Variants in SPIRE1 observed in about 807,000 individuals in gnomAD.
SPIRE1 encodes protein spire homolog 1.
A neutral mutation model predicts 94.1 loss-of-function variants in SPIRE1; 40 were observed. That is an observed-to-expected ratio of 0.43 (90% confidence interval 0.33 to 0.55). The LOEUF is 0.55. SPIRE1 is among the 20% of genes least tolerant of loss of function. The probability of loss-of-function intolerance (pLI) is 0.06; values close to 1 mark genes in which losing one functional copy is unlikely to be tolerated. For synonymous variants in SPIRE1, 376 were observed against 371.7 expected (o/e 1.01, Z -0.13); for missense variants, 838 against 975.2 (o/e 0.86, Z 1.87).
chr18:12,543,144 T>G (rs1220244925), intron 3 of SPIRE1, among the ~76,000 whole-genome samples: 3 of 152,218 alleles, frequency 2.0e-5, no homozygotes, highest in African/African-American at 7.2e-5. Flanking sequence ...TATTTTTCTT[T>G]GCTCTTCAAA....
chr18:12,569,882 G>A (rs1175842200), intron 2 of SPIRE1, among the ~76,000 whole-genome samples: 1 of 152,190 alleles, frequency 6.6e-6, no homozygotes, highest in Non-Finnish European at 1.5e-5. Context: ...TAGAAGAAAA[G>A]AGGGCACTAA....
chr18:12,521,073 A>G (rs2034344518), intron 4 of SPIRE1, among the ~76,000 whole-genome samples: 1 of 152,212 alleles, frequency 6.6e-6, no homozygotes, highest in Non-Finnish European at 1.5e-5. Context: ...AAATGTGGCT[A>G]TAAGATTTTA....
intron 4 of SPIRE1, among the ~76,000 whole-genome samples, chr18:12,526,005 C>T (rs1228547980): frequency 6.9e-6 from 1 of 145,196 alleles, no homozygotes; most frequent in African/African-American, 2.6e-5. Flanking sequence ...GTAATACATG[C>T]TAAACAAGGG....
In SPIRE1 at chr18:12,535,545, T is replaced by C; in HGVS notation, c.660A>G (p.Val220=). The C allele has an allele frequency of 6.2e-7, 1 of 1,613,456 alleles. No individual in the cohort carries two copies. Among genetic ancestry groups the C allele is most frequent in the South Asian group, 1.1e-5 (1 of 91,072 alleles). Residue 220 remains valine, a synonymous_variant, in exon 4 of 17, where the codon GTA becomes GTG. Transcript: ENST00000409402. ...TTGTTTCTGCAAACAGTGCACGACA[T>C]ACTGCCTGATAATGATTTGGTGCAT... ...ESDAPNHYQA[V]CRALFAETME... is the part of the protein sequence containing the mutation.
intron 2 of SPIRE1, among the ~76,000 whole-genome samples, chr18:12,587,106 T>C (rs2036409648): frequency 6.6e-6 from 1 of 152,198 alleles, no homozygotes; most frequent in Non-Finnish European, 1.5e-5. Flanking sequence ...AACTGAAGCA[T>C]GAAGAGGTTA....
At chr18:12,552,539 A>G (rs1354349134) in intron 2 of SPIRE1, among the ~76,000 whole-genome samples, 1 of 152,050 alleles carries the variant, frequency 6.6e-6, no homozygotes, top group African/African-American at 2.4e-5. Flanking sequence ...TAAAAACTAA[A>G]AGGCAGAAAT....
chr18:12,613,835 G>A (rs2037211618), intron 2 of SPIRE1, among the ~76,000 whole-genome samples: 1 of 152,310 alleles, frequency 6.6e-6, no homozygotes, highest in East Asian at 1.9e-4. Context: ...AGGTTACAGT[G>A]AGCCAAGATT....
intron 2 of SPIRE1, among the ~76,000 whole-genome samples, chr18:12,575,884 T>C (rs1349359151): frequency 6.6e-6 from 1 of 152,198 alleles, no homozygotes. Context: ...TTAAGATTTT[T>C]AGAGAAATTG....
chr18:12,459,639 G>T, intron 12 of SPIRE1: 1 of 526,018 alleles, frequency 1.9e-6, no homozygotes, highest in Non-Finnish European at 2.4e-6. Context: ...TGGAATCAAT[G>T]ATTGGAAGCA....
At chr18:12,522,934 G>C (rs2144108042) in intron 4 of SPIRE1, among the ~76,000 whole-genome samples, 1 of 152,216 alleles carries the variant, frequency 6.6e-6, no homozygotes, top group Middle Eastern at 3.4e-3. Context: ...CAGCCCCATG[G>C]ACCAAGGAAT....
intron 10 of SPIRE1, among the ~76,000 whole-genome samples, chr18:12,465,647 C>T (rs150563842): frequency 1.1e-4 from 16 of 152,284 alleles, no homozygotes; most frequent in African/African-American, 3.6e-4. Flanking sequence ...ACATTGTCAG[C>T]CTCATGGGAG....
intron 2 of SPIRE1, among the ~76,000 whole-genome samples, chr18:12,585,363 G>A (rs2036368394): frequency 6.6e-6 from 1 of 152,104 alleles, no homozygotes; most frequent in South Asian, 2.1e-4. Flanking sequence ...AAACATATAG[G>A]TAGGATCCCA....
At chr18:12,554,843 A>G (rs1318318801) in intron 2 of SPIRE1, among the ~76,000 whole-genome samples, 3 of 152,242 alleles carry the variant, frequency 2.0e-5, no homozygotes, top group African/African-American at 7.2e-5. Context: ...GAATAGACAT[A>G]GAAATTGATT....
At chr18:12,477,974 T>C (rs2032670960) in intron 10 of SPIRE1, among the ~76,000 whole-genome samples, 1 of 151,932 alleles carries the variant, frequency 6.6e-6, no homozygotes, top group Admixed American at 6.6e-5. Context: ...CAAAGAGCGG[T>C]GAGTGCAAGA....
chr18:12,562,787 G>A (rs1296993451), intron 2 of SPIRE1, among the ~76,000 whole-genome samples: 2 of 151,810 alleles, frequency 1.3e-5, no homozygotes, highest in Non-Finnish European at 2.9e-5. Flanking sequence ...TGGGATTACA[G>A]GCATGAGCCA....
intron 2 of SPIRE1, among the ~76,000 whole-genome samples, chr18:12,568,995 TTAA>T (rs1257516876): frequency 6.6e-6 from 1 of 152,110 alleles, no homozygotes; most frequent in East Asian, 1.9e-4. Flanking sequence ...CTTTCCTAAT[TTAA>T]ACCTGAGCCA....
At chr18:12,502,379 T>G (rs960419710) in intron 6 of SPIRE1, among the ~76,000 whole-genome samples, 2 of 152,218 alleles carry the variant, frequency 1.3e-5, no homozygotes, top group African/African-American at 4.8e-5. Context: ...AACACTGATA[T>G]GAATTTTTGA....
intron 2 of SPIRE1, among the ~76,000 whole-genome samples, chr18:12,553,913 A>G (rs2035426685): frequency 6.6e-6 from 1 of 152,208 alleles, no homozygotes; most frequent in African/African-American, 2.4e-5. Flanking sequence ...TGATTTTTTG[A>G]AAAGACAAAT....
At chr18:12,579,060 A>T (rs934984945) in intron 2 of SPIRE1, among the ~76,000 whole-genome samples, 8 of 152,052 alleles carry the variant, frequency 5.3e-5, no homozygotes, top group South Asian at 4.2e-4. Flanking sequence ...TTTTTTTTTA[A>T]AAAAAGTTAG....
Sources: allele counts gnomAD v4.1 joint callset (sites outside exome capture counted in the v4.1 genomes callset), GRCh38; gene constraint gnomAD v4.1.1; transcripts MANE v1.5; gene names NCBI Gene and HGNC (gene_info 2026-07-23, HGNC 2026-07-21).